The following ZNF324B variants were observed in gnomAD, a reference collection of about 807,000 sequenced individuals.
ZNF324B encodes the protein zinc finger protein 324B.
In ZNF324B, 7 loss-of-function variants were observed where a neutral mutation model predicts 10.6. The ratio of observed to expected loss-of-function variants is 0.66; its 90% CI spans 0.38 to 1.24. The LOEUF is 1.24. ZNF324B is among the 50% of genes most tolerant of loss of function. ZNF324B has a pLI of 0.02. For missense variants in ZNF324B, 640 were observed against 764.7 expected (o/e 0.84, Z 1.92); for synonymous variants, 316 against 321.0 (o/e 0.98, Z 0.17).
the ZNF324B span, chr19:58,428,591 C>A: frequency 6.6e-6 from 1 of 152,184 alleles, no homozygotes; most frequent in East Asian, 1.9e-4. Context: ...CTTGAGGTGC[C>A]TACCTGTGCA....
chr19:58,421,370 T>C, the ZNF324B span, among the ~76,000 whole-genome samples: 1 of 152,158 alleles, frequency 6.6e-6, no homozygotes, highest in Non-Finnish European at 1.5e-5. Context: ...GTGCTGCTTT[T>C]TTAGGGGGAA....
chr19:58,438,331 CAT>C, the ZNF324B span, among the ~76,000 whole-genome samples: 1 of 152,138 alleles, frequency 6.6e-6, no homozygotes, highest in East Asian at 1.9e-4. Flanking sequence ...TTCATAATCA[CAT>C]GTTTAGTGGT....
chr19:58,448,360 T>C (rs141399253), upstream of ZNF324B, among the ~76,000 whole-genome samples: 160 of 152,336 alleles, frequency 1.1e-3, 1 homozygote, highest in African/African-American at 3.6e-3. Context: ...TGCTATGTTT[T>C]AGCAAAGAGA....
chr19:58,433,451 T>C, the ZNF324B span: 1 of 1,598,008 alleles, frequency 6.3e-7, no homozygotes, highest in East Asian at 2.3e-5. Context: ...GATCTTTCAC[T>C]AAAGGCTTTT....
the ZNF324B span, chr19:58,434,129 C>G: frequency 2.5e-6 from 4 of 1,614,030 alleles, no homozygotes; most frequent in Non-Finnish European, 1.7e-6. Flanking sequence ...TTGTTAAAAG[C>G]TCTTCCACAT....
chr19:58,436,967 C>T, the ZNF324B span: 2 of 1,600,220 alleles, frequency 1.2e-6, no homozygotes, highest in Non-Finnish European at 1.7e-6. Flanking sequence ...CATGATCTGG[C>T]TTTGGGATGA....
intron 1 of ZNF324B, chr19:58,453,409 T>C: frequency 3.9e-6 from 2 of 511,046 alleles, no homozygotes; most frequent in Non-Finnish European, 7.1e-6. Flanking sequence ...GAGTGGATAT[T>C]TGGGGCTGCC....
chr19:58,442,082 A>G, the ZNF324B span: 33,823 of 151,956 alleles, frequency 0.22, 4,333 homozygotes, highest in East Asian at 0.41. Context: ...TGTGTCCGGA[A>G]TTGTTTCCTT....
chr19:58,443,096 C>T, the ZNF324B span: 1 of 152,174 alleles, frequency 6.6e-6, no homozygotes, highest in Non-Finnish European at 1.5e-5. Context: ...AGTTTACAAA[C>T]CTATAGCTAG....
chr19:58,456,345 G>A lies in ZNF324B; in HGVS notation c.1401G>A (p.Val467=), dbSNP rs781417945. ...GCAAGGGTTTCGCCAAGGGCGCCGT[G>A]CTGCTCAGCCACCGGCGCATTCACA... ...DCGKGFAKGA[V]LLSHRRIHTG... The change falls in exon 4 of 4, where the codon GTG becomes GTA. Residue 467 remains valine (V), a synonymous_variant. Coordinates refer to ENST00000336614, the MANE Select transcript of ZNF324B (RefSeq NM_207395.3). This position sits in a 1 kb window ranked among gnomAD's most constrained non-coding sequence, Gnocchi z 4.7. The A allele has an allele frequency of 2.9e-5, 47 of 1,612,356 alleles. No homozygotes were observed. In the South Asian group the frequency reaches 4.7e-4, roughly 16 times the overall value.
chr19:58,434,626 A>G, the ZNF324B span: 6 of 1,614,084 alleles, frequency 3.7e-6, no homozygotes, highest in African/African-American at 4.0e-5. Flanking sequence ...TTTCTCCTCT[A>G]AGAAATTTCC....
chr19:58,450,609 G>C (rs79079332), upstream of ZNF324B, among the ~76,000 whole-genome samples: 1 of 151,816 alleles, frequency 6.6e-6, no homozygotes. Flanking sequence ...AAAAATTGTC[G>C]AGCTATCTTA....
In ZNF324B at chr19:58,453,804, A is replaced by C; in HGVS notation, c.103A>C (p.Thr35Pro). The change falls in exon 2 of 4, where the codon ACA (threonine) becomes CCA (proline). Residue 35 changes from threonine (T) to proline (P), a missense_variant. Thr to Pro is a conservative substitution (Grantham distance 38). Transcript: ENST00000336614. ...LYRHVMLENF[T>P]LVTSLGLSTS... The stretch of plus-strand genomic sequence containing the variant: ...CCGCCACGTGATGCTGGAAAACTTC[A>C]CACTTGTGACCTCACTTGGTAAGGC... The C allele has an allele frequency of 3.1e-6, 5 of 1,614,010 alleles. No homozygotes were observed. Among genetic ancestry groups the C allele is most frequent in the Non-Finnish European group, 4.2e-6 (5 of 1,179,928 alleles).
chr19:58,448,757 G>A (rs923888667), upstream of ZNF324B, among the ~76,000 whole-genome samples: 1 of 152,046 alleles, frequency 6.6e-6, no homozygotes, highest in Non-Finnish European at 1.5e-5. Context: ...TAAAGTATCT[G>A]GTGGAAGAAA....
the ZNF324B span, among the ~76,000 whole-genome samples, chr19:58,425,510 G>A: frequency 6.9e-6 from 1 of 144,880 alleles, no homozygotes; most frequent in East Asian, 2.0e-4. Flanking sequence ...TGCTCTTGTG[G>A]CCCAGGCTGG....
the ZNF324B span, chr19:58,433,492 T>G: frequency 6.2e-7 from 1 of 1,614,094 alleles, no homozygotes; most frequent in East Asian, 2.2e-5. Flanking sequence ...GGGCCTTTCT[T>G]GTGTGTGAAC....
In ZNF324B at chr19:58,453,826, AG is replaced by A; in HGVS notation, c.121+6del. On this transcript the variant is annotated splice_donor_5th_base_variant and intron_variant, in intron 2 of 3. Transcript: ENST00000336614. The stretch of plus-strand genomic sequence containing the variant: ...TTCACACTTGTGACCTCACTTGGTA[AG>A]GCCCTGGGTGCTCCATGAAAAGTGC... The A allele has an allele frequency of 1.2e-6, 2 of 1,613,096 alleles. No individual in the cohort carries two copies. The highest frequency in any genetic ancestry group is 1.3e-5 in the African/African-American group (1 of 75,044).
At chr19:58,438,976 G>A in the ZNF324B span, among the ~76,000 whole-genome samples, 8 of 151,910 alleles carry the variant, frequency 5.3e-5, no homozygotes, top group East Asian at 3.9e-4. Context: ...GTTTCGCCAC[G>A]TTGGCCAGGC....
the ZNF324B span, among the ~76,000 whole-genome samples, chr19:58,421,268 G>A: frequency 3.9e-5 from 6 of 152,226 alleles, no homozygotes; most frequent in Middle Eastern, 3.4e-3. Context: ...TCCCTTGAAG[G>A]AGGAATTATC....
Sources: allele counts gnomAD v4.1 joint callset (sites outside exome capture counted in the v4.1 genomes callset), GRCh38; gene constraint gnomAD v4.1.1; non-coding constraint Gnocchi (gnomAD v3.1); transcripts MANE v1.5; gene names NCBI Gene and HGNC (gene_info 2026-07-23, HGNC 2026-07-21).